Variants in SPTSSB observed in about 807,000 individuals in gnomAD.
SPTSSB encodes the protein serine palmitoyltransferase small subunit B.
Under a neutral mutation model 7.7 loss-of-function variants are expected in SPTSSB, and 6 were observed. That is an observed-to-expected ratio of 0.78 (90% CI 0.43 to 1.54). SPTSSB has a LOEUF of 1.54. SPTSSB is among the 40% of genes most tolerant of loss of function. The pLI is 0.01. For synonymous variants in SPTSSB, 28 were observed against 29.7 expected (o/e 0.94, Z 0.19); for missense variants, 91 against 93.0 (o/e 0.98, Z 0.09).
chr3:161,369,286 T>TTTTCTTTC lies in SPTSSB; in HGVS notation c.-126+2141_-126+2148dup, dbSNP rs149388545. Among the ~76,000 whole-genome samples the TTTTCTTTC allele has an allele frequency of 6.6e-3, 733 of 110,358 alleles. 20 individuals are homozygous for TTTTCTTTC. Among genetic ancestry groups the TTTTCTTTC allele is most frequent in the African/African-American group, 0.03 (681 of 22,944 alleles). The allele number at this position is 110,358 out of a possible 152,430, so 72.4% of individuals were successfully genotyped here. On this transcript the variant is annotated intron_variant, in intron 1 of 2. Transcript: ENST00000620149. ...TCTCTTTCTTTTTCTTCTTTCTTTC[T>TTTTCTTTC]TTTCTTTCTTTCTTTCTTTCTTTCT...
At chr3:161,364,414 G>A (rs1255498121) in intron 1 of SPTSSB, among the ~76,000 whole-genome samples, 1 of 152,106 alleles carries the variant, frequency 6.6e-6, no homozygotes, top group Non-Finnish European at 1.5e-5. Context: ...CCTTTGGTAG[G>A]GGAAGAGCCC....
At chr3:161,370,553 A>C (rs1268918088) in intron 1 of SPTSSB, among the ~76,000 whole-genome samples, 1 of 152,248 alleles carries the variant, frequency 6.6e-6, no homozygotes, top group Non-Finnish European at 1.5e-5. Flanking sequence ...TTCACTAGCA[A>C]AAATTACCAT....
Position 161,346,298 on chromosome 3 carries a change from T to G in SPTSSB, c.26A>C (p.Tyr9Ser). 6.2e-7 allele frequency: 1 copy of G among 1,613,462 alleles called. No individual in the cohort carries two copies. The highest frequency in any genetic ancestry group is 8.5e-7 in the Non-Finnish European group (1 of 1,179,546). The change falls in exon 3 of 3, where the codon TAT (tyrosine) becomes TCT (serine). Residue 9 changes from tyrosine to serine, a missense_variant. Physicochemically the swap from Tyr to Ser is moderately radical, Grantham distance 144. Transcript: ENST00000620149. MDLRRVKE[Y>S]FSWLYYQYQI... ...GTATTGATAGTAGAGCCAGGAGAAA[T>G]ATTCCTTCACACGCCTCAAATCCAT...
At position 161,363,963 on chromosome 3, in the gene SPTSSB, GA is replaced by G. The variant is rs11401196; in HGVS notation, c.-125-4070del. Among the ~76,000 whole-genome samples, 843 of 149,942 alleles carry G rather than the reference GA, an allele frequency of 5.6e-3. 11 individuals are homozygous for G. Among genetic ancestry groups the G allele is most frequent in the African/African-American group, 0.019 (767 of 40,962 alleles). On this transcript the variant is annotated intron_variant, in intron 1 of 2. Coordinates refer to ENST00000620149, the MANE Select transcript of SPTSSB (RefSeq NM_001040100.2). ...GACACAGGATGTATAGATGGTACAT[GA>G]AAAAAAAAATCCATAAAATCTCTAA... is the stretch of plus-strand genomic sequence containing the variant.
intron 2 of SPTSSB, among the ~76,000 whole-genome samples, chr3:161,350,755 A>G (rs1291812707): frequency 6.6e-6 from 1 of 152,230 alleles, no homozygotes; most frequent in Non-Finnish European, 1.5e-5. Context: ...AGAACACAGT[A>G]TGGAAGGGGG....
At chr3:161,369,385 C>CTTTTTTT in intron 1 of SPTSSB, among the ~76,000 whole-genome samples, 1 of 29,650 alleles carries the variant, frequency 3.4e-5, no homozygotes, top group Non-Finnish European at 5.9e-5. Context: ...TCTTTCTTTC[C>CTTTTTTT]TTTTTTTTTT....
chr3:161,350,732 G>A (rs556175718), intron 2 of SPTSSB, among the ~76,000 whole-genome samples: 3 of 152,156 alleles, frequency 2.0e-5, no homozygotes, highest in South Asian at 2.1e-4. Context: ...GAAATACAGC[G>A]ATTTCCTTCC....
intron 1 of SPTSSB, among the ~76,000 whole-genome samples, chr3:161,365,584 C>T (rs1044991794): frequency 2.0e-5 from 3 of 152,192 alleles, no homozygotes; most frequent in Non-Finnish European, 2.9e-5. Context: ...TGTCTTGTTA[C>T]CTAAGTGCCT....
intron 2 of SPTSSB, among the ~76,000 whole-genome samples, chr3:161,349,623 A>G (rs560939372): frequency 5.2e-4 from 79 of 152,342 alleles, no homozygotes; most frequent in African/African-American, 1.8e-3. Flanking sequence ...TCTAAACTTG[A>G]TGACTTTAAA....
Position 161,371,439 on chromosome 3 carries a change from C to G in SPTSSB, c.-130G>C. 3.0e-6 allele frequency: 3 copies of G among 985,444 alleles called. No homozygotes were observed. Among genetic ancestry groups the G allele is most frequent in the Non-Finnish European group, 3.6e-6 (3 of 829,962 alleles). The allele number at this position is 985,444 out of a possible 1,614,324, so 61.0% of individuals were successfully genotyped here. A position where few individuals can be genotyped will look rare whatever the true frequency, so the allele number is the denominator to read the frequency against. ...GGTATTTTGGAAGATGCTTACCTCC[C>G]AGTTGGGTGTATCTCCCTGCGGCTT... On this transcript the variant is annotated 5_prime_UTR_variant, in exon 1 of 3. Coordinates refer to ENST00000620149, the MANE Select transcript of SPTSSB (RefSeq NM_001040100.2).
chr3:161,369,347 T>TCTTTCTTTC (rs1715393910), intron 1 of SPTSSB, among the ~76,000 whole-genome samples: 1 of 105,238 alleles, frequency 9.5e-6, no homozygotes, highest in African/African-American at 4.0e-5. Context: ...TTTCTTTCTT[T>TCTTTCTTTC]CTTTCTCTTT....
rs1178808284 is a variant in SPTSSB, at chr3:161,346,344, A to G, written c.-21T>C. 6.5e-7 allele frequency: 1 copy of G among 1,531,088 alleles called. No homozygotes were observed. Among genetic ancestry groups the G allele is most frequent in the Non-Finnish European group, 9.1e-7 (1 of 1,104,694 alleles). The allele number at this position is 1,531,088 out of a possible 1,614,324, so 94.8% of individuals were successfully genotyped here. A position where few individuals can be genotyped will look rare whatever the true frequency, so the allele number is the denominator to read the frequency against. On this transcript the variant is annotated 5_prime_UTR_variant, in exon 3 of 3. Coordinates refer to ENST00000620149, the MANE Select transcript of SPTSSB (RefSeq NM_001040100.2). ...TCCATGGTTGGCTCCTTCAAGCTGC[A>G]GTAAGTTTGTCCTGTTAAAGAATGT...
chr3:161,349,964 A>G (rs1338883349), intron 2 of SPTSSB, among the ~76,000 whole-genome samples: 3 of 152,254 alleles, frequency 2.0e-5, no homozygotes, highest in East Asian at 1.9e-4. Context: ...AGAGAGGGAG[A>G]AGATTTGAGA....
chr3:161,358,159 G>A (rs918656880), intron 2 of SPTSSB, among the ~76,000 whole-genome samples: 3 of 151,566 alleles, frequency 2.0e-5, no homozygotes, highest in African/African-American at 7.3e-5. Context: ...GGGAATATAG[G>A]CGTGCACCAC....
chr3:161,370,226 G>A (rs1054112145), intron 1 of SPTSSB, among the ~76,000 whole-genome samples: 1 of 152,106 alleles, frequency 6.6e-6, no homozygotes, highest in African/African-American at 2.4e-5. Flanking sequence ...AATGAGAGTT[G>A]AGGACTGGTT....
At position 161,362,089 on chromosome 3, in the gene SPTSSB, A is replaced by G. The variant is rs1203397958; in HGVS notation, c.-125-2195T>C. Among the ~76,000 whole-genome samples, 3 of 152,148 alleles carry G rather than the reference A, an allele frequency of 2.0e-5. 1 individual carries two copies. Among genetic ancestry groups the G allele is most frequent in the Non-Finnish European group, 2.9e-5 (2 of 67,998 alleles). On this transcript the variant is annotated intron_variant, in intron 1 of 2. Transcript: ENST00000620149. Reference sequence around the variant, plus strand: ...TTTTAAGGCCCAAGCTCTCCATCGCAGAGTAGACATGATATCTGCAGCCTC... The same window carrying G: ...TTTTAAGGCCCAAGCTCTCCATCGCGGAGTAGACATGATATCTGCAGCCTC...
rs1467613640 is a variant in SPTSSB, at chr3:161,366,994, G to A, written c.-126+4441C>T. On this transcript the variant is annotated intron_variant, in intron 1 of 2. Coordinates refer to ENST00000620149, the MANE Select transcript of SPTSSB (RefSeq NM_001040100.2). ...GTTTGAGACCAGCCTGGCCAACATA[G>A]TGAAACCCCATCTCTACTAAAATAC... is the stretch of plus-strand genomic sequence containing the variant. Among the ~76,000 whole-genome samples the A allele has an allele frequency of 4.6e-5, 7 of 152,118 alleles. No individual in the cohort carries two copies. The South Asian group carries it at 1.2e-3, about 27-fold the overall frequency.
At chr3:161,364,222 T>C (rs1322645822) in intron 1 of SPTSSB, among the ~76,000 whole-genome samples, 1 of 152,152 alleles carries the variant, frequency 6.6e-6, no homozygotes, top group Non-Finnish European at 1.5e-5. Context: ...AAGTTCTGCC[T>C]GGATAGTTGA....
intron 2 of SPTSSB, among the ~76,000 whole-genome samples, chr3:161,354,985 T>C (rs141563380): frequency 9.3e-4 from 141 of 152,340 alleles, no homozygotes; most frequent in African/African-American, 3.2e-3. Flanking sequence ...GAGTGCCACA[T>C]ACATTGATGC....
Sources: allele counts gnomAD v4.1 joint callset (sites outside exome capture counted in the v4.1 genomes callset), GRCh38; gene constraint gnomAD v4.1.1; transcripts MANE v1.5; gene names NCBI Gene and HGNC (gene_info 2026-07-23, HGNC 2026-07-21).